The following LRP1B variants were observed in gnomAD, a reference collection of about 807,000 sequenced individuals.
LRP1B encodes low-density lipoprotein receptor-related protein 1B.
LRP1B carries 217 observed loss-of-function variants against 556.6 expected under a neutral mutation model. That is an observed-to-expected ratio of 0.39 (90% CI 0.35 to 0.44). The LOEUF (loss-of-function observed/expected upper bound fraction) is 0.44. Ranked by LOEUF, LRP1B falls within the 20% of genes least tolerant of loss-of-function variation. LRP1B has a pLI of 1.00. For missense variants in LRP1B, 5,053 were observed against 5,620.8 expected (o/e 0.90, Z 3.23); for synonymous variants, 2,047 against 1,865.8 (o/e 1.10, Z -2.50).
chr2:140,488,652 C>T (rs2105368331), intron 57 of LRP1B, among the ~76,000 whole-genome samples: 1 of 152,090 alleles, frequency 6.6e-6, no homozygotes, highest in East Asian at 1.9e-4. Context: ...ACCTTAAGGA[C>T]TGAGTAATTT....
intron 2 of LRP1B, among the ~76,000 whole-genome samples, chr2:141,731,730 T>G (rs28562998): frequency 6.6e-6 from 1 of 152,188 alleles, no homozygotes; most frequent in Admixed American, 6.6e-5. Context: ...TTGGAGAAAA[T>G]TACTTAACTC....
chr2:141,873,766 C>A (rs1346943318), intron 1 of LRP1B, among the ~76,000 whole-genome samples: 7 of 151,352 alleles, frequency 4.6e-5, no homozygotes, highest in African/African-American at 1.7e-4. Context: ...AAATCAAAGA[C>A]CTGCTTAGTG....
intron 66 of LRP1B, among the ~76,000 whole-genome samples, chr2:140,394,236 C>T (rs1027361002): frequency 1.3e-5 from 2 of 150,568 alleles, no homozygotes; most frequent in Admixed American, 6.7e-5. Context: ...TGTTCTCATA[C>T]CTGGTGAAGC....
intron 41 of LRP1B, among the ~76,000 whole-genome samples, chr2:140,608,223 A>G (rs547112213): frequency 6.6e-6 from 1 of 152,292 alleles, no homozygotes; most frequent in African/African-American, 2.4e-5. Context: ...GCAATAAATA[A>G]GTAAATTAAA....
intron 2 of LRP1B, among the ~76,000 whole-genome samples, chr2:141,658,889 A>C (rs942273119): frequency 3.9e-5 from 6 of 152,130 alleles, no homozygotes; most frequent in African/African-American, 1.4e-4. Context: ...GGTCCAAAGA[A>C]GAGATTAAGA....
At chr2:140,590,642 A>C (rs1682185546) in intron 43 of LRP1B, among the ~76,000 whole-genome samples, 1 of 152,078 alleles carries the variant, frequency 6.6e-6, no homozygotes, top group African/African-American at 2.4e-5. Flanking sequence ...CACAGTGAGA[A>C]GATGACCATC....
At chr2:140,672,548 C>T (rs1473311884) in intron 41 of LRP1B, among the ~76,000 whole-genome samples, 1 of 145,104 alleles carries the variant, frequency 6.9e-6, no homozygotes, top group Non-Finnish European at 1.5e-5. Flanking sequence ...GCAGAGTAAA[C>T]TCCATTTATT....
At chr2:141,771,092 C>G (rs1173579732) in intron 2 of LRP1B, among the ~76,000 whole-genome samples, 2 of 152,032 alleles carry the variant, frequency 1.3e-5, no homozygotes, top group East Asian at 3.9e-4. Context: ...TAGTCTTAGT[C>G]CTTTTAATTA....
chr2:141,997,697 G>A (rs1386323192), intron 1 of LRP1B, among the ~76,000 whole-genome samples: 1 of 146,818 alleles, frequency 6.8e-6, no homozygotes, highest in Non-Finnish European at 1.5e-5. Flanking sequence ...TTCTCTCTTA[G>A]GATCTTGTTA....
chr2:141,617,923 C>A (rs757794646), intron 2 of LRP1B, among the ~76,000 whole-genome samples: 3 of 152,084 alleles, frequency 2.0e-5, no homozygotes, highest in Non-Finnish European at 4.4e-5. Context: ...AAAACAAGAA[C>A]CTACAAGCTA....
chr2:140,674,054 T>C (rs1685583697), intron 41 of LRP1B, among the ~76,000 whole-genome samples: 1 of 151,928 alleles, frequency 6.6e-6, no homozygotes, highest in South Asian at 2.1e-4. Context: ...GTTCAAGCGA[T>C]TCTCCTGCCT....
Position 140,982,244 on chromosome 2 carries a change from C to T in LRP1B, c.2803G>A (p.Gly935Arg), listed in dbSNP as rs143670199. 2.5e-4 allele frequency: 408 copies of T among 1,613,228 alleles called. 1 individual carries two copies. The highest frequency in any genetic ancestry group is 3.3e-4 in the Middle Eastern group (2 of 6,056). Residue 935 changes from glycine (G) to arginine (R), a missense_variant, in exon 18 of 91, where the codon GGA becomes AGA. Transcript: ENST00000389484. Reference protein sequence around the residue: ...RTCQVDQFSCGNGRCIPRAWL... With the variant: ...RTCQVDQFSCRNGRCIPRAWL... ...GCTCTGGGAATGCAACGCCCATTTC[C>T]GCAAGAAAACTGGTCTACCTGGCAT...
chr2:141,689,502 T>A (rs1371927786), intron 2 of LRP1B, among the ~76,000 whole-genome samples: 1 of 151,734 alleles, frequency 6.6e-6, no homozygotes, highest in East Asian at 1.9e-4. Flanking sequence ...TCCTTTAGAG[T>A]GTAGCTATCA....
chr2:141,095,616 C>A (rs1490743959), intron 7 of LRP1B, among the ~76,000 whole-genome samples: 1 of 151,554 alleles, frequency 6.6e-6, no homozygotes, highest in African/African-American at 2.4e-5. Context: ...CAATTCTTAA[C>A]CTAAAGTACA....
intron 6 of LRP1B, among the ~76,000 whole-genome samples, chr2:141,214,958 CAGAT>C (rs1169015966): frequency 1.3e-5 from 2 of 152,212 alleles, no homozygotes; most frequent in South Asian, 2.1e-4. Context: ...ATTCTAAAAA[CAGAT>C]AGGCACTTTG....
intron 18 of LRP1B, among the ~76,000 whole-genome samples, chr2:140,980,554 C>A (rs1453975693): frequency 6.6e-6 from 1 of 152,148 alleles, no homozygotes; most frequent in Admixed American, 6.6e-5. Flanking sequence ...TTTATCTATA[C>A]TTTATTCAGA....
chr2:141,227,585 T>G (rs1040076228), intron 6 of LRP1B, among the ~76,000 whole-genome samples: 1 of 152,234 alleles, frequency 6.6e-6, no homozygotes. Context: ...GCTTTCATTA[T>G]AATTTTTGGT....
intron 2 of LRP1B, among the ~76,000 whole-genome samples, chr2:141,659,206 T>C (rs1436064378): frequency 6.6e-6 from 1 of 152,166 alleles, no homozygotes; most frequent in Non-Finnish European, 1.5e-5. Flanking sequence ...CCAGGCCATA[T>C]GACTATTTAT....
At chr2:140,849,931 T>TATAC (rs1253692436) in intron 29 of LRP1B, among the ~76,000 whole-genome samples, 171 bp downstream of exon 29, 1 of 152,202 alleles carries the variant, frequency 6.6e-6, no homozygotes, top group Non-Finnish European at 1.5e-5. Context: ...GCAATTTAAT[T>TATAC]ATACCATTCT....
Sources: allele counts gnomAD v4.1 joint callset (sites outside exome capture counted in the v4.1 genomes callset), GRCh38; gene constraint gnomAD v4.1.1; transcripts MANE v1.5; gene names NCBI Gene and HGNC (gene_info 2026-07-23, HGNC 2026-07-21).